Variants in GPD2 observed in about 807,000 individuals in gnomAD.
GPD2 encodes glycerol-3-phosphate dehydrogenase 2.
Under a neutral mutation model 82.4 loss-of-function variants are expected in GPD2, and 54 were observed. The observed-to-expected ratio is 0.66, with a 90% CI of 0.53 to 0.82. The LOEUF is 0.82. Among genes scored for constraint, GPD2 ranks in the 40% least tolerant of loss-of-function variants. The pLI is 0.00. For missense variants in GPD2, 748 were observed against 896.2 expected (o/e 0.83, Z 2.11); for synonymous variants, 288 against 306.1 (o/e 0.94, Z 0.62).
intron 6 of GPD2, 94 bp from the exon 7 acceptor site, chr2:156,549,514 C>G: frequency 9.4e-7 from 1 of 1,067,328 alleles, no homozygotes; most frequent in East Asian, 2.4e-5. Flanking sequence ...GTGACAGGGA[C>G]AGATGTGACA....
chr2:156,548,619 G>A (rs1686638438), intron 6 of GPD2, among the ~76,000 whole-genome samples: 1 of 152,160 alleles, frequency 6.6e-6, no homozygotes, highest in African/African-American at 2.4e-5. Context: ...GAATCACAAG[G>A]AAGAAACTTT....
At position 156,550,663 on chromosome 2, in the gene GPD2, T is replaced by C. The variant is rs920402475; in HGVS notation, c.888T>C (p.Ser296=). The change falls in exon 8 of 17, where the codon TCT becomes TCC. Residue 296 remains serine (S), a synonymous_variant. Coordinates refer to ENST00000438166, the MANE Select transcript of GPD2 (RefSeq NM_000408.5). ...VINATGPFTD[S]VRKMDDKDAA... is the part of the protein sequence containing the mutation. Reference sequence around the variant, plus strand: ...ATGCCACGGGACCTTTCACGGACTCTGTGCGCAAAATGGATGATAAAGACG... The same window carrying C: ...ATGCCACGGGACCTTTCACGGACTCCGTGCGCAAAATGGATGATAAAGACG... 1.2e-6 allele frequency: 2 copies of C among 1,613,946 alleles called. No individual in the cohort carries two copies. The highest frequency in any genetic ancestry group is 2.2e-5 in the East Asian group (1 of 44,858).
the GPD2 span, among the ~76,000 whole-genome samples, chr2:156,405,712 G>A: frequency 2.0e-5 from 3 of 152,168 alleles, no homozygotes; most frequent in African/African-American, 7.2e-5. Context: ...TGCCTTCTGG[G>A]TGGTGCACAC....
chr2:156,550,784 AG>A (rs1275256331), intron 8 of GPD2, 38 bp downstream of exon 8: 2 of 1,567,674 alleles, frequency 1.3e-6, no homozygotes, highest in Non-Finnish European at 1.8e-6. Context: ...CACCCAAAAA[AG>A]AGGGTCAGCA....
chr2:156,538,553 G>GT lies in GPD2; in HGVS notation c.662-11053dup, dbSNP rs562867895. On this transcript the variant is annotated intron_variant, in intron 6 of 16. Coordinates refer to ENST00000438166, the MANE Select transcript of GPD2 (RefSeq NM_000408.5). ...AGATCAGGATTGGCTGGGTGTGGTGGTTCACGCCTGTAATCCCAGCACTTT... is the reference window on the plus strand; with the variant it reads ...AGATCAGGATTGGCTGGGTGTGGTGGTTTCACGCCTGTAATCCCAGCACTTT... Among the ~76,000 whole-genome samples the GT allele has an allele frequency of 8.0e-4, 121 of 152,116 alleles. 1 individual carries two copies. Among genetic ancestry groups the GT allele is most frequent in the African/African-American group, 2.8e-3 (116 of 41,508 alleles).
intron 6 of GPD2, among the ~76,000 whole-genome samples, chr2:156,538,916 A>G (rs1686192479): frequency 1.3e-5 from 2 of 152,026 alleles, no homozygotes; most frequent in Admixed American, 6.5e-5. Flanking sequence ...AAAAAACAAT[A>G]TCTGTTAAAG....
chr2:156,507,182 T>TA (rs1684816250), intron 3 of GPD2, among the ~76,000 whole-genome samples: 1 of 151,248 alleles, frequency 6.6e-6, no homozygotes, highest in South Asian at 2.1e-4. Context: ...CCTGACAAAT[T>TA]TTTTTTTTAA....
chr2:156,520,324 T>C (rs1275600268), intron 6 of GPD2, among the ~76,000 whole-genome samples: 1 of 145,082 alleles, frequency 6.9e-6, no homozygotes, highest in Non-Finnish European at 1.5e-5. Flanking sequence ...GGAACTACCC[T>C]CTGCTACCCA....
intron 6 of GPD2, among the ~76,000 whole-genome samples, chr2:156,515,330 G>A (rs1231523812): frequency 2.7e-5 from 4 of 150,222 alleles, no homozygotes; most frequent in Admixed American, 1.3e-4. Flanking sequence ...CTGAGATCCC[G>A]CCATTACACT....
At chr2:156,513,131 C>A (rs1216117775) in intron 5 of GPD2, among the ~76,000 whole-genome samples, 1 of 152,168 alleles carries the variant, frequency 6.6e-6, no homozygotes, top group Non-Finnish European at 1.5e-5. Context: ...AGAGAAGATT[C>A]ATTTAAAATC....
chr2:156,577,810 C>T (rs907342070), intron 13 of GPD2, among the ~76,000 whole-genome samples: 2 of 152,204 alleles, frequency 1.3e-5, no homozygotes, highest in Admixed American at 6.5e-5. Flanking sequence ...TGCTGTGGCT[C>T]TCTTCTCCAC....
the GPD2 span, among the ~76,000 whole-genome samples, chr2:156,400,849 G>C: frequency 1.3e-5 from 2 of 152,080 alleles, no homozygotes; most frequent in East Asian, 1.9e-4. Flanking sequence ...CAAATCAGCC[G>C]ACGTTTGCTT....
intron 1 of GPD2, among the ~76,000 whole-genome samples, chr2:156,439,232 G>C (rs1019460481): frequency 6.6e-6 from 1 of 152,042 alleles, no homozygotes; most frequent in Non-Finnish European, 1.5e-5. Flanking sequence ...CAGGATTGGC[G>C]TGAAAATGGT....
At chr2:156,519,042 T>TC (rs1685299474) in intron 6 of GPD2, among the ~76,000 whole-genome samples, 1 of 152,214 alleles carries the variant, frequency 6.6e-6, no homozygotes, top group Non-Finnish European at 1.5e-5. Context: ...CATTAGAACT[T>TC]CTACTTCGAT....
At chr2:156,576,786 A>G (rs762816487) in intron 13 of GPD2, among the ~76,000 whole-genome samples, 1 of 152,240 alleles carries the variant, frequency 6.6e-6, no homozygotes, top group Non-Finnish European at 1.5e-5. Context: ...TACACATGCA[A>G]TGAAGGGCCA....
chr2:156,419,153 G>A, the GPD2 span, among the ~76,000 whole-genome samples: 434 of 143,498 alleles, frequency 3.0e-3, 1 homozygote, highest in Non-Finnish European at 5.1e-3. Context: ...TCTGCCTCCC[G>A]GGTTCAAGAG....
At chr2:156,555,358 T>C (rs1346044851) in intron 8 of GPD2, among the ~76,000 whole-genome samples, 3 of 152,222 alleles carry the variant, frequency 2.0e-5, no homozygotes, top group African/African-American at 4.8e-5. Context: ...TCAGTAGTTG[T>C]GCATTTCTAA....
intron 1 of GPD2, among the ~76,000 whole-genome samples, chr2:156,467,438 A>T (rs1013137268): frequency 6.6e-6 from 1 of 152,170 alleles, no homozygotes; most frequent in African/African-American, 2.4e-5. Context: ...ATCTTGCGTT[A>T]TCAGGATAAT....
intron 2 of GPD2, among the ~76,000 whole-genome samples, chr2:156,489,372 C>T (rs754599506): frequency 6.6e-6 from 1 of 152,128 alleles, no homozygotes; most frequent in African/African-American, 2.4e-5. Flanking sequence ...TTAACACATG[C>T]TCTTCCCACT....
Sources: gnomAD v4.1 joint callset for allele counts (sites outside exome capture counted in the v4.1 genomes callset) on GRCh38, gnomAD v4.1.1 for gene constraint, MANE v1.5 for transcripts, NCBI Gene and HGNC (gene_info 2026-07-23, HGNC 2026-07-21) for gene names.